Variants in WWC1 observed in about 807,000 individuals in gnomAD.
WWC1 encodes the protein WW and C2 domain containing 1.
In WWC1, 55 loss-of-function variants were observed where a neutral mutation model predicts 138.4. That is an observed-to-expected ratio of 0.40 (90% CI 0.32 to 0.50). The LOEUF (loss-of-function observed/expected upper bound fraction) is 0.50. Among genes scored for constraint, WWC1 ranks in the 20% least tolerant of loss-of-function variants. WWC1 has a pLI of 0.72. For missense variants in WWC1, 1,226 were observed against 1,420.4 expected (o/e 0.86, Z 2.20); for synonymous variants, 524 against 564.9 (o/e 0.93, Z 1.03).
rs79310425 is a variant in WWC1 at position 168,430,795 on chromosome 5, C to T, written c.2088-457C>T. On this transcript the variant is annotated intron_variant, in intron 14 of 22. Transcript: ENST00000265293. ...CATCTGCCTCCAAGTTTTCTCTGAT[C>T]GTAAGGCCTGGAGGGTGGCAACAGA... Among the ~76,000 whole-genome samples, 79 of 152,252 alleles carry T rather than the reference C, an allele frequency of 5.2e-4. 1 individual carries two copies. The East Asian group carries it at 0.012, about 23-fold the overall frequency.
chr5:168,460,303 C>T (rs796751709), intron 19 of WWC1, among the ~76,000 whole-genome samples: 36 of 152,224 alleles, frequency 2.4e-4, no homozygotes, highest in African/African-American at 8.2e-4. Flanking sequence ...CTGACCAGCT[C>T]GCCAATCTTG....
At chr5:168,453,367 A>C (rs1052274620) in intron 17 of WWC1, among the ~76,000 whole-genome samples, 1 of 152,202 alleles carries the variant, frequency 6.6e-6, no homozygotes, top group Non-Finnish European at 1.5e-5. Flanking sequence ...AGAAAAGTCA[A>C]ATCTAATCTA....
chr5:168,350,270 A>T (rs1457810989), intron 1 of WWC1, among the ~76,000 whole-genome samples: 1 of 152,198 alleles, frequency 6.6e-6, no homozygotes, highest in Non-Finnish European at 1.5e-5. Context: ...CATGGCTCAG[A>T]TGGAAGTCCT....
intron 11 of WWC1, among the ~76,000 whole-genome samples, chr5:168,426,801 G>A (rs968531716): frequency 1.8e-4 from 27 of 152,222 alleles, no homozygotes; most frequent in African/African-American, 5.5e-4. Flanking sequence ...GCCCTGCTCC[G>A]GTCTGCCCGC....
intron 1 of WWC1, among the ~76,000 whole-genome samples, chr5:168,320,589 A>G (rs1364836822): frequency 6.6e-6 from 1 of 152,208 alleles, no homozygotes; most frequent in African/African-American, 2.4e-5. Flanking sequence ...GATAAGTCCC[A>G]TAACATGTGT....
intron 9 of WWC1, chr5:168,415,396 A>G (rs1476574846): frequency 6.6e-6 from 1 of 152,224 alleles, no homozygotes; most frequent in African/African-American, 2.4e-5. Flanking sequence ...GCCTGATATA[A>G]CCTAAAAGCC....
chr5:168,441,758 A>G lies in WWC1; in HGVS notation c.2357A>G (p.Tyr786Cys), dbSNP rs370600135. ...ACTCGCTGGTACAACCTTCTCAGCT[A>G]CAAATACTTGAAGAAACAGAGCAGG... ...RSTRWYNLLS[Y>C]KYLKKQSREL... The change falls in exon 16 of 23, where the codon TAC becomes TGC. Residue 786 changes from tyrosine (Y) to cysteine (C), a missense_variant. Physicochemically the swap from Tyr to Cys is radical, Grantham distance 194. Around this residue, in one of 3 missense-constraint regions of WWC1, gnomAD observed 1,016 missense variants for 1,153.9 expected, o/e 0.88. Coordinates refer to ENST00000265293, the MANE Select transcript of WWC1 (RefSeq NM_015238.3). 91 of 1,614,046 alleles carry G rather than the reference A, an allele frequency of 5.6e-5. No individual in the cohort carries two copies. The highest frequency in any genetic ancestry group is 2.2e-5 in the Non-Finnish European group (26 of 1,180,034).
chr5:168,373,905 G>T (rs187984166), intron 2 of WWC1, among the ~76,000 whole-genome samples: 43 of 151,808 alleles, frequency 2.8e-4, no homozygotes, highest in Admixed American at 1.9e-3. Flanking sequence ...AATTAGCTGG[G>T]CGTGGTGGCG....
intron 1 of WWC1, among the ~76,000 whole-genome samples, chr5:168,340,751 G>C (rs1209171089): frequency 6.6e-6 from 1 of 152,150 alleles, no homozygotes; most frequent in Non-Finnish European, 1.5e-5. Flanking sequence ...GGATATTTGG[G>C]TTATTCTCAC....
intron 1 of WWC1, among the ~76,000 whole-genome samples, chr5:168,332,918 A>G (rs1375694774): frequency 2.0e-5 from 3 of 152,122 alleles, no homozygotes; most frequent in African/African-American, 7.2e-5. Flanking sequence ...CCTGTTGGCC[A>G]TGGTGGTCTC....
At chr5:168,447,600 C>T (rs1254840775) in intron 17 of WWC1, among the ~76,000 whole-genome samples, 2 of 152,072 alleles carry the variant, frequency 1.3e-5, no homozygotes, top group East Asian at 1.9e-4. Context: ...CTGTCCAAAA[C>T]AAAGCAGCAG....
intron 2 of WWC1, among the ~76,000 whole-genome samples, chr5:168,379,384 C>G (rs764172526): frequency 6.6e-6 from 1 of 151,974 alleles, no homozygotes; most frequent in Non-Finnish European, 1.5e-5. Flanking sequence ...TCAGAACTAA[C>G]GGCATTAACA....
rs766146003 is a variant in WWC1, at chr5:168,428,086, G to T, written c.1864G>T (p.Val622Leu). The T allele has an allele frequency of 7.4e-6, 12 of 1,613,668 alleles. No individual in the cohort carries two copies. Among genetic ancestry groups the T allele is most frequent in the Non-Finnish European group, 1.0e-5 (12 of 1,179,688 alleles). ...GAAAGTGGCCTGTGTCTCAGCCGCC[G>T]TATCGGACGAGTCAGTGGCTGGAGA... ...GLKVACVSAA[V>L]SDESVAGDSG... Residue 622 changes from valine to leucine, a missense_variant, in exon 12 of 23, where the codon GTA (valine) becomes TTA (leucine). Val to Leu is a conservative substitution (Grantham distance 32). Transcript: ENST00000265293.
At chr5:168,460,884 G>A in intron 20 of WWC1, 142 bp downstream of exon 20, 1 of 814,078 alleles carries the variant, frequency 1.2e-6, no homozygotes, top group Non-Finnish European at 2.0e-6. Context: ...TCAAGCATTT[G>A]CGAACAGATG....
In WWC1 at chr5:168,348,014, A is replaced by G. The variant is rs186697188; in HGVS notation, c.120-23410A>G. The stretch of plus-strand genomic sequence containing the variant: ...CAGGAGATGGCAGTGTGACTATTAG[A>G]GATTTCTGCTATGATAACAGAGTAT... On this transcript the variant is annotated intron_variant, in intron 1 of 22. Coordinates refer to ENST00000265293, the MANE Select transcript of WWC1 (RefSeq NM_015238.3). Among the ~76,000 whole-genome samples, 14 of 152,290 alleles carry G rather than the reference A, an allele frequency of 9.2e-5. No individual in the cohort carries two copies. In the East Asian group the frequency reaches 1.9e-3, roughly 21 times the overall value.
At chr5:168,326,216 C>CTT (rs796347858) in intron 1 of WWC1, among the ~76,000 whole-genome samples, 1,814 of 113,234 alleles carry the variant, frequency 0.016, 51 homozygotes, top group Middle Eastern at 0.036. Context: ...ACCTGATAGT[C>CTT]TTTTTTTTTT....
chr5:168,349,497 C>G (rs1178275580), intron 1 of WWC1, among the ~76,000 whole-genome samples: 1 of 152,190 alleles, frequency 6.6e-6, no homozygotes, highest in Admixed American at 6.5e-5. Flanking sequence ...GCCAAGCAGC[C>G]TCACCCTCTC....
chr5:168,294,256 A>T (rs961892951), intron 1 of WWC1, among the ~76,000 whole-genome samples: 2 of 152,142 alleles, frequency 1.3e-5, no homozygotes, highest in Non-Finnish European at 2.9e-5. Context: ...TTAGTGTTAC[A>T]TGGACCACCT....
Position 168,464,848 on chromosome 5 carries a change from G to C in WWC1, c.3036G>C (p.Leu1012=). 3.7e-6 allele frequency: 6 copies of C among 1,614,174 alleles called. No homozygotes were observed. Among genetic ancestry groups the C allele is most frequent in the Non-Finnish European group, 5.1e-6 (6 of 1,180,016 alleles). ...AATTGACCCAGGAGATCTCGGTGCTGAAGGAGCTCAAGGAGCAGCTGGAAC... is the reference window on the plus strand; with the variant it reads ...AATTGACCCAGGAGATCTCGGTGCTCAAGGAGCTCAAGGAGCAGCTGGAAC... ...HSQLTQEISV[L]KELKEQLEQA... The change falls in exon 21 of 23, where the codon CTG becomes CTC. Residue 1012 remains leucine, a synonymous_variant. Transcript: ENST00000265293.
Sources: gnomAD v4.1 joint callset for allele counts (sites outside exome capture counted in the v4.1 genomes callset) on GRCh38, gnomAD v4.1.1 for gene constraint, gnomAD v4.1.1 regional missense constraint, MANE v1.5 for transcripts, NCBI Gene and HGNC (gene_info 2026-07-23, HGNC 2026-07-21) for gene names.